JPH2: variants seen among roughly 807,000 people sequenced by gnomAD.
The protein encoded by JPH2 is junctophilin-2.
A neutral mutation model predicts 55.9 loss-of-function variants in JPH2; 38 were observed. That is an observed-to-expected ratio of 0.68 (90% CI 0.52 to 0.89). The LOEUF (loss-of-function observed/expected upper bound fraction) is 0.89, where lower values mean the gene tolerates loss of function less well. Among genes scored for constraint, JPH2 ranks in the 40% least tolerant of loss-of-function variants. JPH2 has a pLI of 0.00. For missense variants in JPH2, 964 were observed against 1,037.6 expected (o/e 0.93, Z 0.97); for synonymous variants, 480 against 472.4 (o/e 1.02, Z -0.21).
chr20:44,119,817 T>C (rs1184835915), intron 2 of JPH2, among the ~76,000 whole-genome samples: 1 of 147,296 alleles, frequency 6.8e-6, no homozygotes, highest in Non-Finnish European at 1.5e-5. Context: ...GAGCTTGCAG[T>C]GAGCCGAGAT....
chr20:44,116,162 C>A lies in JPH2; in HGVS notation c.1513G>T (p.Gly505Cys). Residue 505 changes from glycine (G) to cysteine (C), a missense_variant, in exon 4 of 6, where the codon GGC becomes TGC. Physicochemically the swap from Gly to Cys is radical, Grantham distance 159. Coordinates refer to ENST00000372980, the MANE Select transcript of JPH2 (RefSeq NM_020433.5). ...TTCCAGGCGCCTGGGCTCAGCAGGCCGTCCTTGGACACCCCGGGCCTGGGC... is the reference window on the plus strand; with the variant it reads ...TTCCAGGCGCCTGGGCTCAGCAGGCAGTCCTTGGACACCCCGGGCCTGGGC... ...KRPRPGVSKDGLLSPGAWNGE... is the reference protein window; with the variant it reads ...KRPRPGVSKDCLLSPGAWNGE... 1 of 1,414,262 alleles carries A rather than the reference C, an allele frequency of 7.1e-7. No individual in the cohort carries two copies. The highest frequency in any genetic ancestry group is 9.1e-7 in the Non-Finnish European group (1 of 1,094,556). The allele number at this position is 1,414,262 out of a possible 1,614,324, so 87.6% of individuals were successfully genotyped here.
chr20:44,158,251 G>A (rs945624014), intron 2 of JPH2, among the ~76,000 whole-genome samples: 6 of 152,210 alleles, frequency 3.9e-5, no homozygotes, highest in African/African-American at 1.4e-4. Context: ...AGGAGTAGAG[G>A]TTAAGTGAGT....
chr20:44,117,299 C>T (rs2072200223), intron 3 of JPH2, among the ~76,000 whole-genome samples: 2 of 152,110 alleles, frequency 1.3e-5, no homozygotes, highest in Admixed American at 6.5e-5. Flanking sequence ...AAAAACAAAA[C>T]CTTCATCGCA....
intron 2 of JPH2, among the ~76,000 whole-genome samples, chr20:44,131,957 A>C (rs1351128838): frequency 6.6e-6 from 1 of 152,142 alleles, no homozygotes; most frequent in Non-Finnish European, 1.5e-5. Context: ...GTCTGCTCTT[A>C]CCATCTCTTG....
chr20:44,146,262 T>C (rs2072493892), intron 2 of JPH2, among the ~76,000 whole-genome samples: 2 of 152,056 alleles, frequency 1.3e-5, no homozygotes. Context: ...CTCGATCTCC[T>C]GACCTTGTGA....
At chr20:44,185,364 C>T (rs968549715) in intron 1 of JPH2, among the ~76,000 whole-genome samples, 1 of 151,844 alleles carries the variant, frequency 6.6e-6, no homozygotes, top group Non-Finnish European at 1.5e-5. Flanking sequence ...TGTCCCACAC[C>T]TGTAATCCCA....
rs182679553 is a variant in JPH2, at chr20:44,174,888, G to T, written c.379+11439C>A. ...CACGTCTGTGGTCCCAGCTACTCAG[G>T]AGGCTGACATGGGAGGATTGCTTGA... On this transcript the variant is annotated intron_variant, in intron 1 of 5. Coordinates refer to ENST00000372980, the MANE Select transcript of JPH2 (RefSeq NM_020433.5). 7.9e-5 allele frequency among the ~76,000 whole-genome samples: 12 copies of T among 152,264 alleles called. No homozygotes were observed. The East Asian group carries it at 2.3e-3, about 29-fold the overall frequency.
chr20:44,186,647 C>G lies in JPH2; in HGVS notation c.59G>C (p.Gly20Ala). 6.2e-7 allele frequency: 1 copy of G among 1,608,542 alleles called. No individual in the cohort carries two copies. The highest frequency in any genetic ancestry group is 8.5e-7 in the Non-Finnish European group (1 of 1,179,686). ...CAGTCCATGCCCATGGGCCTTTCCC[C>G]CCTCCCAGCCCCCGCAGTACGCCCC... ...DGGAYCGGWEGGKAHGHGLCT... is the reference protein window; with the variant it reads ...DGGAYCGGWEAGKAHGHGLCT... Residue 20 changes from glycine (G) to alanine (A), a missense_variant, in exon 1 of 6, where the codon GGG becomes GCG. By Grantham distance (60) the Gly-to-Ala change is moderately conservative. Coordinates refer to ENST00000372980, the MANE Select transcript of JPH2 (RefSeq NM_020433.5).
chr20:44,110,758 A>G lies in JPH2; in HGVS notation c.*2760T>C, dbSNP rs1455751541. The stretch of plus-strand genomic sequence containing the variant: ...TAAAACCTCTTTATCACCATAATCT[A>G]TCTCATTTGAGCCTCACAACTGCAT... On this transcript the variant is annotated 3_prime_UTR_variant, in exon 6 of 6. Transcript: ENST00000372980. 1.3e-5 allele frequency among the ~76,000 whole-genome samples: 2 copies of G among 152,096 alleles called. No individual in the cohort carries two copies. The highest frequency in any genetic ancestry group is 4.8e-5 in the African/African-American group (2 of 41,404).
intron 2 of JPH2, among the ~76,000 whole-genome samples, chr20:44,152,237 T>G (rs1162550035): frequency 2.0e-5 from 3 of 152,230 alleles, no homozygotes; most frequent in Non-Finnish European, 4.4e-5. Flanking sequence ...TAGAACCAGG[T>G]CACCTGGCTT....
intron 2 of JPH2, among the ~76,000 whole-genome samples, chr20:44,120,006 GC>G (rs1377248528): frequency 3.3e-5 from 5 of 152,088 alleles, no homozygotes; most frequent in South Asian, 2.1e-4. Context: ...TACAATCCAT[GC>G]TCCAGAGCCC....
chr20:44,154,974 T>C (rs2145875077), intron 2 of JPH2, among the ~76,000 whole-genome samples: 1 of 148,192 alleles, frequency 6.7e-6, no homozygotes, highest in South Asian at 2.1e-4. Flanking sequence ...CCAGGCTCAC[T>C]TCCCGGCTGT....
At chr20:44,173,331 T>C (rs6017279) in intron 1 of JPH2, among the ~76,000 whole-genome samples, 29,815 of 151,992 alleles carry the variant, frequency 0.2, 3,628 homozygotes, top group African/African-American at 0.34. Flanking sequence ...CTGTGACTCA[T>C]AGCAAAAAAC....
chr20:44,115,650 G>C lies in JPH2; in HGVS notation c.2010+15C>G, dbSNP rs768116138. On this transcript the variant is annotated intron_variant, in intron 4 of 5. Transcript: ENST00000372980. The stretch of plus-strand genomic sequence containing the variant: ...GGGAACCCGACCTTAGGCACACCTT[G>C]CCCGACAGCCTCACCTCTTCCACCT... 2.5e-6 allele frequency: 4 copies of C among 1,611,902 alleles called. No individual in the cohort carries two copies. The Admixed American group carries it at 5.0e-5, about 20-fold the overall frequency.
intron 1 of JPH2, among the ~76,000 whole-genome samples, chr20:44,168,247 T>C (rs1198919141): frequency 6.6e-6 from 1 of 152,210 alleles, no homozygotes; most frequent in Non-Finnish European, 1.5e-5. Flanking sequence ...GTAAGTTGTT[T>C]GTAAGAAAGC....
At chr20:44,174,571 C>T (rs1216374694) in intron 1 of JPH2, among the ~76,000 whole-genome samples, 1 of 152,152 alleles carries the variant, frequency 6.6e-6, no homozygotes, top group African/African-American at 2.4e-5. Flanking sequence ...GTCAGGAGTT[C>T]GCGACCAGCC....
Position 44,148,915 on chromosome 20 carries a change from C to A in JPH2, c.1169+10703G>T, listed in dbSNP as rs375096213. Among the ~76,000 whole-genome samples, 611 of 151,982 alleles carry A rather than the reference C, an allele frequency of 4.0e-3. 2 individuals are homozygous for A. Among genetic ancestry groups the A allele is most frequent in the South Asian group, 7.5e-3 (36 of 4,796 alleles). On this transcript the variant is annotated intron_variant, in intron 2 of 5. Transcript: ENST00000372980. The stretch of plus-strand genomic sequence containing the variant: ...CGTCTCTACTAAAAAAATACAAAAA[C>A]AATTAGCTGGGTGTGGTGGTGAGCG...
At chr20:44,145,215 G>A (rs1229831558) in intron 2 of JPH2, among the ~76,000 whole-genome samples, 4 of 152,234 alleles carry the variant, frequency 2.6e-5, no homozygotes, top group Non-Finnish European at 5.9e-5. Context: ...TGGTCTCACT[G>A]TGGGGAAACA....
In JPH2 at chr20:44,186,797, G is replaced by C; in HGVS notation, c.-92C>G. 1 of 1,342,512 alleles carries C rather than the reference G, an allele frequency of 7.4e-7. No individual in the cohort carries two copies. Among genetic ancestry groups the C allele is most frequent in the Non-Finnish European group, 1.1e-6 (1 of 950,572 alleles). The allele number at this position is 1,342,512 out of a possible 1,614,324, so 83.2% of individuals were successfully genotyped here. On this transcript the variant is annotated 5_prime_UTR_variant, in exon 1 of 6. Transcript: ENST00000372980. Reference sequence around the variant, plus strand: ...CAACACTCCTCCAGTGCCCTCGGGGGCAGGCCCCCAGACTCACCACTGCAC... The same window carrying C: ...CAACACTCCTCCAGTGCCCTCGGGGCCAGGCCCCCAGACTCACCACTGCAC...
Sources: allele counts gnomAD v4.1 joint callset (sites outside exome capture counted in the v4.1 genomes callset), GRCh38; gene constraint gnomAD v4.1.1; transcripts MANE v1.5; gene names NCBI Gene and HGNC (gene_info 2026-07-23, HGNC 2026-07-21).